Variants in ZNF678 observed in about 807,000 individuals in gnomAD.
The protein encoded by ZNF678 is hypothetical protein MGC42493.
ZNF678 carries 5 observed loss-of-function variants against 3.0 expected under a neutral mutation model. That is an observed-to-expected ratio of 1.69 (90% CI 0.88 to 3.56). The LOEUF is 3.56. Among genes scored for constraint, ZNF678 ranks in the 30% most tolerant of loss-of-function variants. The probability of loss-of-function intolerance (pLI) is 0.00; values close to 1 mark genes in which losing one functional copy is unlikely to be tolerated. For missense variants in ZNF678, 593 were observed against 605.0 expected (o/e 0.98, Z 0.21); for synonymous variants, 218 against 199.6 (o/e 1.09, Z -0.78).
At chr1:227,572,324 T>C (rs995784864) in intron 1 of ZNF678, among the ~76,000 whole-genome samples, 3 of 152,244 alleles carry the variant, frequency 2.0e-5, no homozygotes, top group Non-Finnish European at 2.9e-5. Flanking sequence ...TTGTGATGAC[T>C]TGGAAGTGTT....
intron 1 of ZNF678, among the ~76,000 whole-genome samples, chr1:227,602,199 G>A (rs1467510279): frequency 4.6e-5 from 7 of 152,184 alleles, no homozygotes; most frequent in Non-Finnish European, 1.0e-4. Flanking sequence ...CAGTTTGGCA[G>A]AGACAGATTA....
intron 1 of ZNF678, among the ~76,000 whole-genome samples, chr1:227,575,652 G>A (rs191020540): frequency 1.4e-4 from 22 of 152,194 alleles, no homozygotes; most frequent in Middle Eastern, 3.4e-3. Context: ...GGGCGAGACC[G>A]TGAGATTTGT....
chr1:227,617,539 T>C (rs1007436924), intron 1 of ZNF678, among the ~76,000 whole-genome samples: 12 of 152,158 alleles, frequency 7.9e-5, no homozygotes, highest in African/African-American at 2.4e-5. Context: ...CTACAACCCC[T>C]TTCTGGGATA....
chr1:227,668,775 A>G (rs1289176830), intron 5 of ZNF678, among the ~76,000 whole-genome samples: 1 of 152,204 alleles, frequency 6.6e-6, no homozygotes, highest in African/African-American at 2.4e-5. Flanking sequence ...ATTCTTCTGC[A>G]TATTGCCAGC....
intron 1 of ZNF678, among the ~76,000 whole-genome samples, chr1:227,593,612 C>A (rs1017666517): frequency 6.6e-6 from 1 of 152,092 alleles, no homozygotes; most frequent in South Asian, 2.1e-4. Flanking sequence ...AGAAAGCTGT[C>A]TTTGACTTGC....
chr1:227,608,542 T>G (rs1237394225), intron 1 of ZNF678, among the ~76,000 whole-genome samples: 1 of 152,174 alleles, frequency 6.6e-6, no homozygotes, highest in Non-Finnish European at 1.5e-5. Context: ...CTACAAATTA[T>G]TACTAATATA....
chr1:227,638,375 T>C lies in ZNF678; in HGVS notation c.-163-8169T>C, dbSNP rs1441846771. ...GATAAGTTCCTGGCTTTTTAACAGA[T>C]AGAACTGGTGTGTTAAAAGGGGATT... On this transcript the variant is annotated intron_variant, in intron 1 of 3. Coordinates refer to ENST00000343776, the MANE Select transcript of ZNF678 (RefSeq NM_001367909.1). The surrounding 1 kb of genome is among the most constrained non-coding windows in gnomAD (Gnocchi z 4.2). Among the ~76,000 whole-genome samples the C allele has an allele frequency of 3.9e-5, 6 of 152,116 alleles. No homozygotes were observed. The highest frequency in any genetic ancestry group is 9.7e-5 in the African/African-American group (4 of 41,398).
At chr1:227,621,944 C>T (rs916980800) in intron 1 of ZNF678, among the ~76,000 whole-genome samples, 1 of 152,198 alleles carries the variant, frequency 6.6e-6, no homozygotes, top group Non-Finnish European at 1.5e-5. Flanking sequence ...TAACCTAATT[C>T]TGGTATAGCA....
At chr1:227,570,892 A>T (rs1656822767) in intron 1 of ZNF678, among the ~76,000 whole-genome samples, 1 of 152,122 alleles carries the variant, frequency 6.6e-6, no homozygotes, top group South Asian at 2.1e-4. Context: ...TATAATATTC[A>T]CCTGTAAGAT....
Position 227,583,643 on chromosome 1 carries a change from G to GA in ZNF678, c.-164+19928dup, listed in dbSNP as rs201075443. Among the ~76,000 whole-genome samples, 13 of 150,146 alleles carry GA rather than the reference G, an allele frequency of 8.7e-5. No homozygotes were observed. The East Asian group carries it at 1.2e-3, about 13-fold the overall frequency. ...AGAAAAGATACAGATTATATTTAGG[G>GA]AAAAAAAAATAGGAGGTAGGAAAGC... On this transcript the variant is annotated intron_variant, in intron 1 of 3. Transcript: ENST00000343776.
intron 1 of ZNF678, among the ~76,000 whole-genome samples, chr1:227,612,365 C>G (rs1433905642): frequency 6.6e-6 from 1 of 152,292 alleles, no homozygotes; most frequent in East Asian, 1.9e-4. Context: ...CACATCTTCA[C>G]CAATTCTGGG....
chr1:227,623,238 GTAAC>G (rs879384651), intron 1 of ZNF678, among the ~76,000 whole-genome samples: 5 of 152,234 alleles, frequency 3.3e-5, no homozygotes, highest in African/African-American at 4.8e-5. Flanking sequence ...TGCTCAGTAA[GTAAC>G]TATTTAATCA....
intron 1 of ZNF678, among the ~76,000 whole-genome samples, chr1:227,592,063 G>A (rs1217570801): frequency 6.6e-6 from 1 of 152,164 alleles, no homozygotes; most frequent in Non-Finnish European, 1.5e-5. Flanking sequence ...GATGTTTAAG[G>A]ATGGTCTCAG....
intron 1 of ZNF678, among the ~76,000 whole-genome samples, chr1:227,580,203 C>G (rs1657090177): frequency 6.6e-6 from 1 of 152,102 alleles, no homozygotes; most frequent in Admixed American, 6.5e-5. Context: ...TCTGTGTCTT[C>G]CCTCTGTCCA....
intron 1 of ZNF678, among the ~76,000 whole-genome samples, chr1:227,631,350 G>T (rs778885326): frequency 1.3e-4 from 20 of 152,286 alleles, no homozygotes; most frequent in Non-Finnish European, 2.6e-4. Context: ...AAAGGGGTCT[G>T]GGCTACTGGA....
chr1:227,663,242 G>A (rs115308619), downstream of ZNF678, among the ~76,000 whole-genome samples: 4,218 of 152,252 alleles, frequency 0.028, 73 homozygotes, highest in South Asian at 0.099. Flanking sequence ...TTATGACAGC[G>A]TAGCAAACTG....
intron 1 of ZNF678, among the ~76,000 whole-genome samples, chr1:227,567,097 C>G (rs748001762): frequency 6.7e-4 from 102 of 152,254 alleles, no homozygotes; most frequent in Non-Finnish European, 1.2e-3. Context: ...CATCCAAATT[C>G]AATGCTAAGT....
chr1:227,629,104 T>A (rs1288160166), intron 1 of ZNF678, among the ~76,000 whole-genome samples: 1 of 152,190 alleles, frequency 6.6e-6, no homozygotes, highest in African/African-American at 2.4e-5. Context: ...CATTGGAGTA[T>A]TGCAGGGGCT....
chr1:227,608,681 A>G (rs1657940013), intron 1 of ZNF678, among the ~76,000 whole-genome samples: 2 of 152,206 alleles, frequency 1.3e-5, no homozygotes, highest in Admixed American at 1.3e-4. Flanking sequence ...ATAATATTCT[A>G]TATAACAGCA....
Sources: allele counts gnomAD v4.1 joint callset (sites outside exome capture counted in the v4.1 genomes callset), GRCh38; gene constraint gnomAD v4.1.1; non-coding constraint Gnocchi (gnomAD v3.1); transcripts MANE v1.5; gene names NCBI Gene and HGNC (gene_info 2026-07-23, HGNC 2026-07-21).